RESF1: variants seen among roughly 807,000 people sequenced by gnomAD.
RESF1 encodes the protein gonad expressed transcript.
A neutral mutation model predicts 134.7 loss-of-function variants in RESF1; 65 were observed. The ratio of observed to expected loss-of-function variants is 0.48; its 90% CI spans 0.40 to 0.59. The LOEUF is 0.59. Among genes scored for constraint, RESF1 ranks in the 20% least tolerant of loss-of-function variants. RESF1 has a pLI of 0.00. For missense variants in RESF1, 2,274 were observed against 2,002.7 expected (o/e 1.14, Z -2.59); for synonymous variants, 762 against 702.2 (o/e 1.09, Z -1.35).
chr12:31,990,069 A>C (rs1238470614), intron 5 of RESF1, among the ~76,000 whole-genome samples: 1 of 152,180 alleles, frequency 6.6e-6, no homozygotes, highest in South Asian at 2.1e-4. Context: ...GTAAGAAAAA[A>C]GCTCCTTGGA....
In RESF1 at chr12:31,980,991, A is replaced by G; in HGVS notation, c.36A>G (p.Leu12=). ...ATGAAAAACCAAAGAGTGCTACATT[A>G]CCACCACTGTATCCTAAAAGCCAGC... ...NWNEKPKSAT[L]PPLYPKSQPP... Residue 12 remains leucine (L), a synonymous_variant, in exon 4 of 6, where the codon TTA becomes TTG. Coordinates refer to ENST00000312561, the MANE Select transcript of RESF1 (RefSeq NM_018169.4). 1 of 1,612,774 alleles carries G rather than the reference A, an allele frequency of 6.2e-7. No individual in the cohort carries two copies. The highest frequency in any genetic ancestry group is 1.3e-5 in the African/African-American group (1 of 74,968).
chr12:31,985,539 AACAT>A lies in RESF1; in HGVS notation c.4588_4591del (p.Tyr1530ThrfsTer3). The A allele has an allele frequency of 6.3e-7, 1 of 1,598,514 alleles. No homozygotes were observed. The highest frequency in any genetic ancestry group is 1.1e-5 in the South Asian group (1 of 87,862). ...AAATCCACCATTCTCAGGAGTCTAA[AACAT>A]ACAACATTCTAAGGAATGTTAAAGA... On this transcript the variant is annotated frameshift_variant, in exon 4 of 6. Coordinates refer to ENST00000312561, the MANE Select transcript of RESF1 (RefSeq NM_018169.4). LOFTEE classifies it high-confidence loss of function.
In RESF1 at chr12:31,992,638, A is replaced by G. The variant is rs146822999; in HGVS notation, c.*103A>G. On this transcript the variant is annotated 3_prime_UTR_variant, in exon 6 of 6. Transcript: ENST00000312561. ...AGAAATGCCATGATAAAGATTTCTC[A>G]GAGTTTGGTTCCCACTTTCATTGTA... 3.8e-5 allele frequency: 46 copies of G among 1,217,168 alleles called. No homozygotes were observed. Among genetic ancestry groups the G allele is most frequent in the Non-Finnish European group, 4.6e-5 (39 of 842,038 alleles). 75.4% of individuals were successfully genotyped at this position (1,217,168 alleles called of 1,614,324 possible).
intron 5 of RESF1, among the ~76,000 whole-genome samples, chr12:31,989,723 A>G (rs776266523): frequency 6.6e-6 from 1 of 152,142 alleles, no homozygotes; most frequent in Non-Finnish European, 1.5e-5. Flanking sequence ...GTAGTGGCAC[A>G]TGCCTGTAAT....
chr12:31,987,341 A>G lies in RESF1; in HGVS notation c.5086+19A>G, dbSNP rs1201146350. ...GAGAGAGGTAAAGTCATCTTTTTAA[A>G]TCTTCATTCACTTATCTCCCTATCT... On this transcript the variant is annotated intron_variant, in intron 5 of 5. Transcript: ENST00000312561. 1 of 1,406,432 alleles carries G rather than the reference A, an allele frequency of 7.1e-7. No individual in the cohort carries two copies. Among genetic ancestry groups the G allele is most frequent in the Non-Finnish European group, 1.0e-6 (1 of 996,922 alleles). The allele number at this position is 1,406,432 out of a possible 1,614,324, so 87.1% of individuals were successfully genotyped here. A position where few individuals can be genotyped will look rare whatever the true frequency, so the allele number is the denominator to read the frequency against.
At chr12:31,987,426 TC>T in intron 5 of RESF1, 104 bp downstream of exon 5, 6 of 678,044 alleles carry the variant, frequency 8.8e-6, no homozygotes, top group South Asian at 2.1e-5. Flanking sequence ...TTATCCATGT[TC>T]TTTTTTTTTT....
chr12:31,981,116 G>C lies in RESF1; in HGVS notation c.161G>C (p.Gly54Ala). The C allele has an allele frequency of 6.2e-7, 1 of 1,614,094 alleles. No homozygotes were observed. The highest frequency in any genetic ancestry group is 2.2e-5 in the East Asian group (1 of 44,874). Residue 54 changes from glycine (G) to alanine (A), a missense_variant, in exon 4 of 6, where the codon GGT (glycine) becomes GCT (alanine). Coordinates refer to ENST00000312561, the MANE Select transcript of RESF1 (RefSeq NM_018169.4). ...GSNQEACMYP[G>A]NSNPISQPLL... ...AACCAAGAAGCATGCATGTATCCCG[G>C]TAATTCAAATCCAATTTCACAGCCA...
Position 31,985,301 on chromosome 12 carries a change from A to G in RESF1, c.4346A>G (p.Tyr1449Cys), listed in dbSNP as rs755548141. 6.2e-7 allele frequency: 1 copy of G among 1,613,188 alleles called. No homozygotes were observed. The highest frequency in any genetic ancestry group is 8.5e-7 in the Non-Finnish European group (1 of 1,179,826). ...KFSRILTPKEYLQRQKHKEAL... is the reference protein window; with the variant it reads ...KFSRILTPKECLQRQKHKEAL... Reference sequence around the variant, plus strand: ...AGTAGAATTCTAACTCCTAAGGAGTATTTACAAAGGCAGAAGCATAAAGAA... The same window carrying G: ...AGTAGAATTCTAACTCCTAAGGAGTGTTTACAAAGGCAGAAGCATAAAGAA... Residue 1449 changes from tyrosine to cysteine, a missense_variant, in exon 4 of 6, where the codon TAT becomes TGT. Tyr to Cys is a radical substitution (Grantham distance 194). Coordinates refer to ENST00000312561, the MANE Select transcript of RESF1 (RefSeq NM_018169.4).
In RESF1 at chr12:31,982,489, A is replaced by G; in HGVS notation, c.1534A>G (p.Lys512Glu). The stretch of plus-strand genomic sequence containing the variant: ...TTTACCAAATCCTGTCTATTCTGAA[A>G]AGCGGCCAATGCCAGACTCATCTCA... The part of the protein sequence containing the change: ...SVLPNPVYSE[K>E]RPMPDSSHDV... The change falls in exon 4 of 6, where the codon AAG becomes GAG. Residue 512 changes from lysine to glutamate, a missense_variant. Lys to Glu is a moderately conservative substitution (Grantham distance 56). Transcript: ENST00000312561. 1.2e-6 allele frequency: 2 copies of G among 1,613,688 alleles called. No individual in the cohort carries two copies. Among genetic ancestry groups the G allele is most frequent in the Non-Finnish European group, 1.7e-6 (2 of 1,180,016 alleles).
At position 31,985,552 on chromosome 12, in the gene RESF1, C is replaced by G. The variant is rs1478354323; in HGVS notation, c.4597C>G (p.Leu1533Val). ...TCAGGAGTCTAAAACATACAACATT[C>G]TAAGGAATGTTAAAGAAAAAGTTGG... ...HSQESKTYNI[L>V]RNVKEKVGGK... The change falls in exon 4 of 6, where the codon CTA (leucine) becomes GTA (valine). Residue 1533 changes from leucine to valine, a missense_variant. Coordinates refer to ENST00000312561, the MANE Select transcript of RESF1 (RefSeq NM_018169.4). 6.3e-7 allele frequency: 1 copy of G among 1,597,584 alleles called. No individual in the cohort carries two copies. The highest frequency in any genetic ancestry group is 8.5e-7 in the Non-Finnish European group (1 of 1,175,250).
At chr12:31,972,959 TA>T (rs1305844134) in intron 3 of RESF1, among the ~76,000 whole-genome samples, 1 of 152,248 alleles carries the variant, frequency 6.6e-6, no homozygotes, top group African/African-American at 2.4e-5. Context: ...GAGTATTTTC[TA>T]ATGTAGCATT....
At chr12:31,989,141 A>G (rs980956673) in intron 5 of RESF1, among the ~76,000 whole-genome samples, 2 of 151,614 alleles carry the variant, frequency 1.3e-5, no homozygotes. Flanking sequence ...TCACACCTGT[A>G]ATCTCAGCAC....
intron 5 of RESF1, among the ~76,000 whole-genome samples, chr12:31,988,706 T>C (rs1940029429): frequency 6.6e-6 from 1 of 152,100 alleles, no homozygotes; most frequent in Admixed American, 6.6e-5. Context: ...TGATTTTTTT[T>C]TTGAGACGGC....
intron 4 of RESF1, among the ~76,000 whole-genome samples, chr12:31,986,562 T>C (rs1009586502): frequency 6.6e-6 from 1 of 152,202 alleles, no homozygotes; most frequent in African/African-American, 2.4e-5. Flanking sequence ...TAATTTAAAA[T>C]CTTTAAAGCC....
rs1044280501 is a variant in RESF1, at chr12:31,983,604, T to C, written c.2649T>C (p.Thr883=). The C allele has an allele frequency of 4.3e-6, 7 of 1,614,102 alleles. No individual in the cohort carries two copies. The highest frequency in any genetic ancestry group is 5.9e-6 in the Non-Finnish European group (7 of 1,179,966). ...TCTCACAGGAGTCAAGGAATAGTAC[T>C]GTTGTGAGTAGTGATACATTACAGA... ...QQISQESRNS[T]VVSSDTLQID... Residue 883 remains threonine, a synonymous_variant, in exon 4 of 6, where the codon ACT becomes ACC. Transcript: ENST00000312561.
In RESF1 at chr12:31,981,675, A is replaced by G. The variant is rs765287787; in HGVS notation, c.720A>G (p.Thr240=). 23 of 1,613,750 alleles carry G rather than the reference A, an allele frequency of 1.4e-5. No homozygotes were observed. Among genetic ancestry groups the G allele is most frequent in the Non-Finnish European group, 1.7e-5 (20 of 1,179,982 alleles). ...AAAAACAAAACTTTATACCACATAC[A>G]TCATTGCAAGTTAAAAATAGTCAGC... The part of the protein sequence containing the change: ...TIQKQNFIPH[T]SLQVKNSQLL... Residue 240 remains threonine (T), a synonymous_variant, in exon 4 of 6, where the codon ACA becomes ACG. Transcript: ENST00000312561.
chr12:31,991,336 C>G (rs1050771808), intron 5 of RESF1, among the ~76,000 whole-genome samples: 32 of 152,182 alleles, frequency 2.1e-4, no homozygotes, highest in African/African-American at 7.0e-4. Flanking sequence ...AGAGACCCAT[C>G]TGGGGCTTCA....
intron 3 of RESF1, among the ~76,000 whole-genome samples, chr12:31,977,236 G>A (rs555415497): frequency 1.3e-5 from 2 of 152,098 alleles, no homozygotes; most frequent in East Asian, 3.9e-4. Context: ...GCTTGAGTGC[G>A]GTGGTGCGAC....
chr12:31,985,117 A>G lies in RESF1; in HGVS notation c.4162A>G (p.Lys1388Glu). 6.5e-7 allele frequency: 1 copy of G among 1,548,986 alleles called. No individual in the cohort carries two copies. Among genetic ancestry groups the G allele is most frequent in the Non-Finnish European group, 8.6e-7 (1 of 1,156,174 alleles). Reference sequence around the variant, plus strand: ...AGGGAACGTATTAGATATGGAAGTAAAGAAAAAGAAACATGATAAACAAGA... The same window carrying G: ...AGGGAACGTATTAGATATGGAAGTAGAGAAAAAGAAACATGATAAACAAGA... ...DQGNVLDMEV[K>E]KKKHDKQEQK... The change falls in exon 4 of 6, where the codon AAG becomes GAG. Residue 1388 changes from lysine to glutamate, a missense_variant. Transcript: ENST00000312561.
Sources: allele counts gnomAD v4.1 joint callset (sites outside exome capture counted in the v4.1 genomes callset), GRCh38; gene constraint gnomAD v4.1.1; transcripts MANE v1.5; gene names NCBI Gene and HGNC (gene_info 2026-07-23, HGNC 2026-07-21).